The following SDK2 variants were observed in gnomAD, a reference collection of about 807,000 sequenced individuals.
The protein encoded by SDK2 is protein sidekick-2.
In SDK2, 105 loss-of-function variants were observed where a neutral mutation model predicts 253.9. The observed-to-expected ratio is 0.41, with a 90% CI of 0.35 to 0.49. The LOEUF is 0.49. Ranked by LOEUF, SDK2 falls within the 20% of genes least tolerant of loss-of-function variation. SDK2 has a pLI of 0.06. For synonymous variants in SDK2, 1,249 were observed against 1,234.9 expected (o/e 1.01, Z -0.24); for missense variants, 2,608 against 3,003.0 (o/e 0.87, Z 3.07).
At chr17:73,483,511 ATGTG>A (rs1368476754) in intron 2 of SDK2, among the ~76,000 whole-genome samples, 16 of 44,622 alleles carry the variant, frequency 3.6e-4, no homozygotes, top group Admixed American at 5.6e-4. Flanking sequence ...GTGTGTGTGT[ATGTG>A]TGTGTGTATA....
intron 37 of SDK2, among the ~76,000 whole-genome samples, chr17:73,367,816 T>C (rs2062698763): frequency 6.6e-6 from 1 of 152,206 alleles, no homozygotes. Flanking sequence ...TGCCGGCCTC[T>C]TCTCATTCAA....
At position 73,352,894 on chromosome 17, in the gene SDK2, C is replaced by T. The variant is rs2062551606; in HGVS notation, c.5594-257G>A. On this transcript the variant is annotated intron_variant, in intron 40 of 44. Transcript: ENST00000392650. This position sits in a 1 kb window ranked among gnomAD's most constrained non-coding sequence, Gnocchi z 4.1. Reference sequence around the variant, plus strand: ...ATCACCTGAGGTTAGGAGTTCGAGACCAGCCTAGCCAACATGGTGAAACCC... The same window carrying T: ...ATCACCTGAGGTTAGGAGTTCGAGATCAGCCTAGCCAACATGGTGAAACCC... Among the ~76,000 whole-genome samples, 1 of 152,184 alleles carries T rather than the reference C, an allele frequency of 6.6e-6. No individual in the cohort carries two copies. Among genetic ancestry groups the T allele is most frequent in the South Asian group, 2.1e-4 (1 of 4,836 alleles).
intron 3 of SDK2, among the ~76,000 whole-genome samples, chr17:73,466,548 C>T (rs773562253): frequency 2.6e-5 from 4 of 152,196 alleles, no homozygotes. Flanking sequence ...AGCTGTGGAA[C>T]TGGAACTGTG....
At chr17:73,390,256 C>T (rs1172962024) in intron 29 of SDK2, 31 bp downstream of exon 29, 2 of 1,520,076 alleles carry the variant, frequency 1.3e-6, no homozygotes, top group African/African-American at 1.4e-5. Context: ...CAGCTGCCCC[C>T]AAGCCTTCCC....
intron 2 of SDK2, among the ~76,000 whole-genome samples, chr17:73,495,888 A>G (rs1012031659): frequency 6.6e-6 from 1 of 152,154 alleles, no homozygotes; most frequent in Non-Finnish European, 1.5e-5. Flanking sequence ...TGCCACGTAC[A>G]TCTCTATTAA....
intron 2 of SDK2, among the ~76,000 whole-genome samples, chr17:73,495,970 C>T (rs989894102): frequency 1.3e-5 from 2 of 152,208 alleles, no homozygotes; most frequent in Admixed American, 6.5e-5. Flanking sequence ...AATTTTCAGA[C>T]AAGATGTCCA....
chr17:73,588,909 G>T (rs2045643619), intron 1 of SDK2, among the ~76,000 whole-genome samples: 1 of 152,226 alleles, frequency 6.6e-6, no homozygotes, highest in South Asian at 2.1e-4. Flanking sequence ...TCACTTTACA[G>T]AAGGCGCCAG....
At chr17:73,562,180 C>T (rs1379384483) in intron 1 of SDK2, among the ~76,000 whole-genome samples, 1 of 152,082 alleles carries the variant, frequency 6.6e-6, no homozygotes, top group Non-Finnish European at 1.5e-5. Context: ...CAAGTCAAAG[C>T]AAAAAATTTA....
At position 73,616,791 on chromosome 17, in the gene SDK2, C is replaced by T. The variant is rs978676827; in HGVS notation, c.64+27234G>A. On this transcript the variant is annotated intron_variant, in intron 1 of 44. Transcript: ENST00000392650. This position sits in a 1 kb window ranked among gnomAD's most constrained non-coding sequence, Gnocchi z 5.2. ...TCAGAGCTGCAGGCACTGCACTGTG[C>T]GCATTCCCACCATGAGATGCCTGGG... Among the ~76,000 whole-genome samples the T allele has an allele frequency of 2.0e-5, 3 of 152,150 alleles. No individual in the cohort carries two copies. Among genetic ancestry groups the T allele is most frequent in the African/African-American group, 4.8e-5 (2 of 41,436 alleles).
At chr17:73,475,812 A>C (rs1027029673) in intron 2 of SDK2, among the ~76,000 whole-genome samples, 2 of 152,246 alleles carry the variant, frequency 1.3e-5, no homozygotes, top group African/African-American at 4.8e-5. Context: ...GATACAGGCT[A>C]CCAAACCCTT....
chr17:73,638,295 T>C (rs1599745003), intron 1 of SDK2, among the ~76,000 whole-genome samples: 2 of 152,304 alleles, frequency 1.3e-5, no homozygotes, highest in South Asian at 2.1e-4. Flanking sequence ...GCTAGAAATA[T>C]ACCAGTGAAT....
intron 20 of SDK2, 107 bp downstream of exon 20, chr17:73,401,547 G>A (rs2063026051): frequency 1.9e-6 from 2 of 1,041,710 alleles, no homozygotes; most frequent in African/African-American, 1.6e-5. Flanking sequence ...AGCATGGGTT[G>A]GCTTCAAGAG....
At chr17:73,548,692 A>C (rs1040939254) in intron 1 of SDK2, among the ~76,000 whole-genome samples, 2 of 151,594 alleles carry the variant, frequency 1.3e-5, no homozygotes, top group Non-Finnish European at 3.0e-5. Flanking sequence ...CTCCCTGGGG[A>C]GGAAATGACC....
At chr17:73,577,461 G>T (rs991530486) in intron 1 of SDK2, among the ~76,000 whole-genome samples, 3 of 152,194 alleles carry the variant, frequency 2.0e-5, no homozygotes, top group Admixed American at 2.0e-4. Flanking sequence ...AAGTTCAGTG[G>T]GGGAGAGAGG....
intron 36 of SDK2, among the ~76,000 whole-genome samples, chr17:73,372,056 G>A (rs1032105007): frequency 6.6e-6 from 1 of 152,220 alleles, no homozygotes; most frequent in Admixed American, 6.5e-5. Flanking sequence ...CACTGGGGAG[G>A]TGGAGGAGAG....
At chr17:73,606,340 G>A (rs888978096) in intron 1 of SDK2, among the ~76,000 whole-genome samples, 2 of 152,088 alleles carry the variant, frequency 1.3e-5, no homozygotes, top group African/African-American at 4.8e-5. Flanking sequence ...AGATGGATGG[G>A]GCAGGGGCTC....
intron 40 of SDK2, among the ~76,000 whole-genome samples, chr17:73,355,174 A>ATATTTTTTTTTTTTT: frequency 1.5e-4 from 7 of 47,224 alleles, no homozygotes; most frequent in Non-Finnish European, 2.0e-4. Context: ...ATATATATAT[A>ATATTTTTTTTTTTTT]TTTTTTTTTT....
intron 39 of SDK2, among the ~76,000 whole-genome samples, chr17:73,359,603 C>G (rs2145417688): frequency 6.6e-6 from 1 of 152,308 alleles, no homozygotes; most frequent in East Asian, 1.9e-4. Context: ...ATGTTCCCCG[C>G]CTGCAGACCG....
chr17:73,495,644 GTT>G (rs1491219932), intron 2 of SDK2, among the ~76,000 whole-genome samples: 9 of 149,030 alleles, frequency 6.0e-5, no homozygotes, highest in Non-Finnish European at 1.0e-4. Flanking sequence ...GTGTGTGTGT[GTT>G]TGTTTGTGTA....
Sources: gnomAD v4.1 joint callset for allele counts (sites outside exome capture counted in the v4.1 genomes callset) on GRCh38, gnomAD v4.1.1 for gene constraint, Gnocchi (gnomAD v3.1) non-coding constraint, MANE v1.5 for transcripts, NCBI Gene and HGNC (gene_info 2026-07-23, HGNC 2026-07-21) for gene names.